Variants in PTPRJ observed in about 807,000 individuals in gnomAD.
The protein encoded by PTPRJ is protein tyrosine phosphatase receptor type J.
PTPRJ carries 129 observed loss-of-function variants against 141.3 expected under a neutral mutation model. That is an observed-to-expected ratio of 0.91 (90% CI 0.79 to 1.06). The LOEUF (loss-of-function observed/expected upper bound fraction) is 1.06, where lower values mean the gene tolerates loss of function less well. Among genes scored for constraint, PTPRJ ranks in the 50% least tolerant of loss-of-function variants. The pLI, the probability that PTPRJ is intolerant of heterozygous loss-of-function variation, is 0.00. For synonymous variants in PTPRJ, 610 were observed against 640.5 expected, an observed-to-expected ratio of 0.95 and a Z score of 0.72; for missense variants, 1,601 against 1,679.7, an observed-to-expected ratio of 0.95 and a Z score of 0.82.
At chr11:47,985,823 G>C (rs1412631776) in intron 1 of PTPRJ, among the ~76,000 whole-genome samples, 1 of 151,948 alleles carries the variant, frequency 6.6e-6, no homozygotes, top group African/African-American at 2.4e-5. Context: ...GCCTCAGCCT[G>C]CTGAGTAGCT....
At chr11:48,031,217 G>C (rs916573462) in intron 1 of PTPRJ, among the ~76,000 whole-genome samples, 1 of 152,106 alleles carries the variant, frequency 6.6e-6, no homozygotes, top group East Asian at 1.9e-4. Context: ...AGGAAACTTG[G>C]AAAAGCAGAG....
intron 21 of PTPRJ, among the ~76,000 whole-genome samples, chr11:48,157,711 G>T (rs1443817968): frequency 6.6e-6 from 1 of 152,216 alleles, no homozygotes; most frequent in Non-Finnish European, 1.5e-5. Flanking sequence ...AAGATCCTGT[G>T]CTAGGGGCTG....
chr11:48,161,693 A>G (rs1391526005), intron 22 of PTPRJ, among the ~76,000 whole-genome samples: 2 of 151,776 alleles, frequency 1.3e-5, no homozygotes, highest in East Asian at 1.9e-4. Context: ...GCTCACTGCA[A>G]CCTCTGCCTC....
intron 7 of PTPRJ, among the ~76,000 whole-genome samples, chr11:48,128,258 G>A (rs1203144004): frequency 6.6e-6 from 1 of 152,232 alleles, no homozygotes; most frequent in Non-Finnish European, 1.5e-5. Flanking sequence ...AGCCAAGGCT[G>A]AGAGAGGTGC....
At chr11:48,125,755 C>T (rs902199072) in intron 6 of PTPRJ, among the ~76,000 whole-genome samples, 1 of 152,190 alleles carries the variant, frequency 6.6e-6, no homozygotes, top group African/African-American at 2.4e-5. Flanking sequence ...ACTGGCCAGG[C>T]TGTGTTACTT....
rs1243935459 is a variant in PTPRJ, at chr11:48,004,907, AAAATTCATCCATTTAG to A, written c.96+23903_96+23918del. On this transcript the variant is annotated intron_variant, in intron 1 of 24. Coordinates refer to ENST00000418331, the MANE Select transcript of PTPRJ (RefSeq NM_002843.4). ...TGTTGAGATATAATTTACATACAGT[AAAATTCATCCATTTAG>A]AAAGTATACAGTTCAAAGCTGGGCG... 5.9e-5 allele frequency among the ~76,000 whole-genome samples: 9 copies of A among 152,314 alleles called. No homozygotes were observed. In the East Asian group the frequency reaches 1.5e-3, roughly 26 times the overall value.
chr11:48,138,685 A>G (rs1184491744), intron 10 of PTPRJ, among the ~76,000 whole-genome samples: 1 of 152,224 alleles, frequency 6.6e-6, no homozygotes, highest in African/African-American at 2.4e-5. Context: ...TTATGTGAGT[A>G]GAGAGTGTCT....
chr11:48,082,615 T>G (rs58407618), intron 1 of PTPRJ, among the ~76,000 whole-genome samples: 104,455 of 148,564 alleles, frequency 0.7, 38,477 homozygotes, highest in South Asian at 0.84. Flanking sequence ...AGCCTGATAT[T>G]GCTATTTTTT....
intron 18 of PTPRJ, among the ~76,000 whole-genome samples, chr11:48,151,894 C>T (rs1203719767): frequency 2.0e-5 from 3 of 152,328 alleles, no homozygotes; most frequent in South Asian, 2.1e-4. Context: ...GTGAATAGTG[C>T]TGCAATAAAC....
chr11:48,080,656 C>T (rs1047469019), intron 1 of PTPRJ, among the ~76,000 whole-genome samples: 9 of 152,144 alleles, frequency 5.9e-5, no homozygotes, highest in South Asian at 2.1e-4. Flanking sequence ...TGGCTTTGGC[C>T]GAGCCAAACA....
At chr11:48,056,502 G>A (rs1220646879) in intron 1 of PTPRJ, among the ~76,000 whole-genome samples, 8 of 152,278 alleles carry the variant, frequency 5.3e-5, no homozygotes, top group African/African-American at 1.7e-4. Flanking sequence ...CTATTAGAGC[G>A]GCAGTTTGGC....
intron 1 of PTPRJ, among the ~76,000 whole-genome samples, chr11:47,999,071 C>T (rs146083345): frequency 6.6e-6 from 1 of 152,306 alleles, no homozygotes; most frequent in Non-Finnish European, 1.5e-5. Context: ...TGGAAAAGAC[C>T]TTAGGGACAT....
intron 1 of PTPRJ, among the ~76,000 whole-genome samples, chr11:48,007,826 G>A (rs1854665205): frequency 6.6e-6 from 1 of 152,252 alleles, no homozygotes; most frequent in Admixed American, 6.5e-5. Flanking sequence ...CAGGCCCAGA[G>A]CAGGAAGGGT....
Position 48,130,714 on chromosome 11 carries a change from C to T in PTPRJ, c.1613C>T (p.Thr538Ile). Residue 538 changes from threonine to isoleucine, a missense_variant and splice_region_variant, in exon 8 of 25, where the codon ACT becomes ATT. Thr to Ile is a moderately conservative substitution (Grantham distance 89, BLOSUM62 -1). Transcript: ENST00000418331. The stretch of plus-strand genomic sequence containing the variant: ...GCATCTCGGACAGTTTGCAATAGAA[C>T]TGGTAAGCAAATAGGCTTTTCTGTT... ...EGASRTVCNR[T>I]VPSAVFDIHV... 1.9e-6 allele frequency: 3 copies of T among 1,602,626 alleles called. No individual in the cohort carries two copies. Among genetic ancestry groups the T allele is most frequent in the Non-Finnish European group, 2.6e-6 (3 of 1,171,854 alleles).
chr11:48,093,986 AG>A (rs1855938346), intron 1 of PTPRJ, among the ~76,000 whole-genome samples: 1 of 152,212 alleles, frequency 6.6e-6, no homozygotes, highest in Admixed American at 6.5e-5. Context: ...ATCTGTGAGC[AG>A]GTGTTGAATG....
chr11:48,161,873 A>G (rs917770951), intron 22 of PTPRJ, among the ~76,000 whole-genome samples: 2 of 151,940 alleles, frequency 1.3e-5, no homozygotes, highest in South Asian at 2.1e-4. Flanking sequence ...TCGGCCTCCA[A>G]AAGTGTTAGG....
intron 5 of PTPRJ, 44 bp downstream of exon 5, chr11:48,123,914 C>T: frequency 6.4e-7 from 1 of 1,551,268 alleles, no homozygotes; most frequent in Non-Finnish European, 8.8e-7. Flanking sequence ...CTGGTTCTTA[C>T]TTTCAGTAAC....
At chr11:48,010,969 C>G (rs1228033) in intron 1 of PTPRJ, among the ~76,000 whole-genome samples, 2,312 of 152,170 alleles carry the variant, frequency 0.015, 73 homozygotes, top group African/African-American at 0.053. Context: ...TGCACTGTCC[C>G]TCCCAGCAAG....
rs868630679 is a variant in PTPRJ at position 48,100,336 on chromosome 11, C to T, written c.97-9722C>T. On this transcript the variant is annotated intron_variant, in intron 1 of 24. Coordinates refer to ENST00000418331, the MANE Select transcript of PTPRJ (RefSeq NM_002843.4). The stretch of plus-strand genomic sequence containing the variant: ...TCCTAGTGAGGCAGCTCACCTCTCC[C>T]GTGTTTCACTGCTCGAACTCTCCTT... 5.9e-5 allele frequency among the ~76,000 whole-genome samples: 9 copies of T among 152,250 alleles called. No individual in the cohort carries two copies. The South Asian group carries it at 1.5e-3, about 25-fold the overall frequency.
Sources: allele counts gnomAD v4.1 joint callset (sites outside exome capture counted in the v4.1 genomes callset), GRCh38; gene constraint gnomAD v4.1.1; transcripts MANE v1.5; gene names NCBI Gene and HGNC (gene_info 2026-07-23, HGNC 2026-07-21).